The following ISM1 variants were observed in gnomAD, a reference collection of about 807,000 sequenced individuals.
ISM1 encodes the protein isthmin-1.
Under a neutral mutation model 46.3 loss-of-function variants are expected in ISM1, and 25 were observed. The observed-to-expected ratio is 0.54, with a 90% confidence interval of 0.39 to 0.75. The LOEUF is 0.75. Among genes scored for constraint, ISM1 ranks in the 30% least tolerant of loss-of-function variants. ISM1 has a pLI of 0.00. For missense variants in ISM1, 536 were observed against 625.4 expected (o/e 0.86, Z 1.52); for synonymous variants, 255 against 256.7 (o/e 0.99, Z 0.06).
chr20:13,269,247 T>C (rs2123247419), intron 1 of ISM1, among the ~76,000 whole-genome samples: 1 of 152,228 alleles, frequency 6.6e-6, no homozygotes, highest in Middle Eastern at 3.4e-3. Context: ...GAAAATGCTA[T>C]CCCTGAAGGC....
chr20:13,296,163 A>G (rs2040404965), intron 5 of ISM1, among the ~76,000 whole-genome samples: 1 of 151,904 alleles, frequency 6.6e-6, no homozygotes, highest in Non-Finnish European at 1.5e-5. Context: ...CCACCCACTC[A>G]CTGGGCTGTT....
intron 1 of ISM1, 108 bp from the exon 2 acceptor site, chr20:13,270,396 T>C: frequency 7.8e-7 from 1 of 1,282,160 alleles, no homozygotes; most frequent in Non-Finnish European, 1.1e-6. Flanking sequence ...ACTGGCTTAA[T>C]TTCAGCCACT....
At chr20:13,304,723 TA>T (rs1386476789), downstream of ISM1, among the ~76,000 whole-genome samples, 2 of 152,162 alleles carry the variant, frequency 1.3e-5, no homozygotes, top group Non-Finnish European at 2.9e-5. Context: ...GGTCAATGAA[TA>T]CCCCAACTCC....
chr20:13,318,374 T>C, the ISM1 span, among the ~76,000 whole-genome samples: 2 of 152,158 alleles, frequency 1.3e-5, no homozygotes, highest in African/African-American at 4.8e-5. Flanking sequence ...TCATTGAGAA[T>C]AGTGAGAATT....
At chr20:13,245,757 G>A (rs764823202) in intron 1 of ISM1, among the ~76,000 whole-genome samples, 9 of 152,088 alleles carry the variant, frequency 5.9e-5, no homozygotes, top group Non-Finnish European at 1.3e-4. Flanking sequence ...CTTCTAAACT[G>A]TTGCTCTCCT....
At chr20:13,266,059 C>T (rs529804033) in intron 1 of ISM1, among the ~76,000 whole-genome samples, 48 of 152,278 alleles carry the variant, frequency 3.2e-4, no homozygotes, top group African/African-American at 1.1e-3. Flanking sequence ...AATCTGAAAA[C>T]TCCTTTGCAG....
intron 5 of ISM1, among the ~76,000 whole-genome samples, chr20:13,293,894 A>T (rs887430244): frequency 2.0e-5 from 3 of 152,106 alleles, no homozygotes; most frequent in Non-Finnish European, 4.4e-5. Flanking sequence ...GAATCACTGG[A>T]ACCCAGGAGG....
rs1430830449 is a variant in ISM1 at position 13,224,060 on chromosome 20, A to G, written c.138+2146A>G. 5.9e-5 allele frequency among the ~76,000 whole-genome samples: 9 copies of G among 152,070 alleles called. 1 individual carries two copies. ...TTGGCTGAAGAACTGCCCCAAGAGG[A>G]CACAACAAATGGGGGATTTAGAAAG... is the stretch of plus-strand genomic sequence containing the variant. On this transcript the variant is annotated intron_variant, in intron 1 of 5. Transcript: ENST00000262487.
intron 1 of ISM1, among the ~76,000 whole-genome samples, chr20:13,257,603 C>T (rs2039942496): frequency 6.6e-6 from 1 of 152,030 alleles, no homozygotes; most frequent in African/African-American, 2.4e-5. Flanking sequence ...TTTATCATCA[C>T]TATATCTATG....
At chr20:13,321,623 C>T in the ISM1 span, among the ~76,000 whole-genome samples, 4 of 152,198 alleles carry the variant, frequency 2.6e-5, no homozygotes, top group African/African-American at 7.2e-5. Flanking sequence ...ACTTGATCCT[C>T]GGCTTCTAGC....
chr20:13,304,829 A>C (rs773458498), downstream of ISM1, among the ~76,000 whole-genome samples: 53 of 152,016 alleles, frequency 3.5e-4, no homozygotes, highest in Non-Finnish European at 5.0e-4. Context: ...GCAGTCACCT[A>C]CTTGAAAACA....
Position 13,221,671 on chromosome 20 carries a change from G to A in ISM1, c.-106G>A, listed in dbSNP as rs1164679642. 7.9e-6 allele frequency: 8 copies of A among 1,015,992 alleles called. No individual in the cohort carries two copies. Among genetic ancestry groups the A allele is most frequent in the African/African-American group, 1.7e-5 (1 of 58,684 alleles). 62.9% of individuals were successfully genotyped at this position (1,015,992 alleles called of 1,614,324 possible). ...GCGGAGCCCTGGCGGGAGCCGAGGC[G>A]GGAGCCGCGCTGCCGGGCTCCCGGG... On this transcript the variant is annotated 5_prime_UTR_variant, in exon 1 of 6. Coordinates refer to ENST00000262487, the MANE Select transcript of ISM1 (RefSeq NM_080826.2).
intron 1 of ISM1, among the ~76,000 whole-genome samples, chr20:13,240,722 CAAT>C (rs1307806861): frequency 1.3e-5 from 2 of 152,096 alleles, no homozygotes; most frequent in Non-Finnish European, 2.9e-5. Context: ...GAAAATTTCA[CAAT>C]AATTCAGGTA....
chr20:13,285,851 C>T (rs2040286189), intron 3 of ISM1, among the ~76,000 whole-genome samples: 1 of 152,196 alleles, frequency 6.6e-6, no homozygotes, highest in Non-Finnish European at 1.5e-5. Context: ...TAGTTTAATG[C>T]TAAAATCTCA....
chr20:13,295,577 G>A (rs1374995268), intron 5 of ISM1, among the ~76,000 whole-genome samples: 2 of 152,154 alleles, frequency 1.3e-5, no homozygotes, highest in African/African-American at 4.8e-5. Flanking sequence ...ACACCTCCAA[G>A]ACCCAGACAC....
At chr20:13,286,042 C>T (rs1208876806) in intron 3 of ISM1, among the ~76,000 whole-genome samples, 1 of 152,192 alleles carries the variant, frequency 6.6e-6, no homozygotes, top group Non-Finnish European at 1.5e-5. Context: ...CAAACTCTAC[C>T]TAGGGGATTT....
At chr20:13,270,142 A>C (rs2040095688) in intron 1 of ISM1, among the ~76,000 whole-genome samples, 1 of 152,258 alleles carries the variant, frequency 6.6e-6, no homozygotes, top group Non-Finnish European at 1.5e-5. Context: ...ACTAAAGCCA[A>C]GGTGGTTAAT....
chr20:13,230,784 T>G (rs1414721002), intron 1 of ISM1, among the ~76,000 whole-genome samples: 1 of 152,194 alleles, frequency 6.6e-6, no homozygotes, highest in African/African-American at 2.4e-5. Flanking sequence ...AACCTCACTT[T>G]GCATTTTATT....
At chr20:13,223,156 CA>C (rs369659111) in intron 1 of ISM1, among the ~76,000 whole-genome samples, 32 of 120,162 alleles carry the variant, frequency 2.7e-4, no homozygotes, top group East Asian at 1.3e-3. Flanking sequence ...GACTCCGTCT[CA>C]AAAAAAAAAT....
Sources: gnomAD v4.1 joint callset for allele counts (sites outside exome capture counted in the v4.1 genomes callset) on GRCh38, gnomAD v4.1.1 for gene constraint, MANE v1.5 for transcripts, NCBI Gene and HGNC (gene_info 2026-07-23, HGNC 2026-07-21) for gene names.